KAZN: variants seen among roughly 807,000 people sequenced by gnomAD.
The protein encoded by KAZN is kazrin, periplakin interacting protein.
KAZN carries 40 observed loss-of-function variants against 87.4 expected under a neutral mutation model. The ratio of observed to expected loss-of-function variants is 0.46; its 90% confidence interval spans 0.36 to 0.60. KAZN has a LOEUF of 0.60. KAZN is among the 20% of genes least tolerant of loss of function. The pLI, the probability that KAZN is intolerant of heterozygous loss-of-function variation, is 0.00. For synonymous variants in KAZN, 466 were observed against 458.3 expected (o/e 1.02, Z -0.22); for missense variants, 898 against 1,073.9 (o/e 0.84, Z 2.29).
chr1:14,331,643 T>C, intron 2 of KAZN, among the ~76,000 whole-genome samples: 1 of 152,198 alleles, frequency 6.6e-6, no homozygotes, highest in East Asian at 1.9e-4. Context: ...TTTTATTTAG[T>C]TAATTCATTT....
At chr1:14,448,100 C>T (rs1030323648) in intron 2 of KAZN, among the ~76,000 whole-genome samples, 1 of 152,230 alleles carries the variant, frequency 6.6e-6, no homozygotes, top group African/African-American at 2.4e-5. Flanking sequence ...GCCCTGGTAG[C>T]ATTGACTGAA....
chr1:14,740,787 C>T (rs757414466), intron 1 of KAZN, among the ~76,000 whole-genome samples: 7 of 152,176 alleles, frequency 4.6e-5, no homozygotes, highest in Non-Finnish European at 8.8e-5. Context: ...TCCTTTAGCC[C>T]TCCTTCTTGC....
intron 2 of KAZN, among the ~76,000 whole-genome samples, chr1:14,517,673 G>C (rs778087025): frequency 2.6e-5 from 4 of 152,190 alleles, no homozygotes; most frequent in Non-Finnish European, 5.9e-5. Context: ...GGGTAGAAAA[G>C]AACATTTGTT....
At chr1:14,957,531 TG>T (rs1480876163) in intron 1 of KAZN, among the ~76,000 whole-genome samples, 1 of 152,180 alleles carries the variant, frequency 6.6e-6, no homozygotes, top group Non-Finnish European at 1.5e-5. Context: ...AGCACGCCGC[TG>T]GGGAGCGAGT....
At chr1:14,771,911 T>C (rs1434633126) in intron 1 of KAZN, among the ~76,000 whole-genome samples, 2 of 152,106 alleles carry the variant, frequency 1.3e-5, no homozygotes, top group Non-Finnish European at 2.9e-5. Context: ...CAAGGAGAGA[T>C]GAGATCAAGG....
chr1:14,287,866 T>C (rs1653375309), intron 2 of KAZN, among the ~76,000 whole-genome samples: 1 of 152,218 alleles, frequency 6.6e-6, no homozygotes, highest in African/African-American at 2.4e-5. Context: ...AAAACTTAGT[T>C]TATTGAGAGT....
At chr1:14,379,010 T>C (rs1384693915) in intron 2 of KAZN, among the ~76,000 whole-genome samples, 1 of 147,654 alleles carries the variant, frequency 6.8e-6, no homozygotes, top group Non-Finnish European at 1.5e-5. Flanking sequence ...GGAGAGAAGA[T>C]GGAAGACTAA....
chr1:14,514,387 T>TTATATATATTA (rs1671122025), intron 2 of KAZN, among the ~76,000 whole-genome samples: 5 of 11,690 alleles, frequency 4.3e-4, no homozygotes, highest in East Asian at 2.1e-3. Context: ...TATATATATA[T>TTATATATATTA]TATATATATT....
intron 2 of KAZN, among the ~76,000 whole-genome samples, chr1:14,558,710 C>T (rs1020273785): frequency 3.9e-5 from 6 of 152,114 alleles, no homozygotes; most frequent in African/African-American, 1.4e-4. Flanking sequence ...TTCTGCCTCA[C>T]GCTGGGATGT....
intron 2 of KAZN, among the ~76,000 whole-genome samples, chr1:14,986,857 G>C (rs1666871711): frequency 6.6e-6 from 1 of 152,136 alleles, no homozygotes; most frequent in African/African-American, 2.4e-5. Context: ...TAATCAGTAG[G>C]TTCCCAATAA....
chr1:14,483,119 C>G (rs957339642), intron 2 of KAZN, among the ~76,000 whole-genome samples: 1 of 152,148 alleles, frequency 6.6e-6, no homozygotes. Context: ...TGCTCCCATC[C>G]AAGTTTACAC....
intron 1 of KAZN, among the ~76,000 whole-genome samples, chr1:14,857,337 C>T (rs1650253628): frequency 6.6e-6 from 1 of 152,080 alleles, no homozygotes; most frequent in Non-Finnish European, 1.5e-5. Flanking sequence ...CCAGCCTAAG[C>T]TCGAGACTAG....
chr1:14,804,661 C>T (rs1385727098), intron 1 of KAZN, among the ~76,000 whole-genome samples: 11 of 152,240 alleles, frequency 7.2e-5, no homozygotes, highest in Admixed American at 3.3e-4. Flanking sequence ...GGCCTCCCCA[C>T]GTCCAGTCTT....
At chr1:14,644,166 C>A (rs551026951) in intron 1 of KAZN, among the ~76,000 whole-genome samples, 3 of 151,782 alleles carry the variant, frequency 2.0e-5, no homozygotes, top group African/African-American at 7.2e-5. Context: ...TGCCCACCAC[C>A]ACGCCCAGCT....
At chr1:14,244,688 C>T (rs764394184) in intron 2 of KAZN, among the ~76,000 whole-genome samples, 1 of 151,822 alleles carries the variant, frequency 6.6e-6, no homozygotes, top group Non-Finnish European at 1.5e-5. Flanking sequence ...AAGAACATTC[C>T]AGGCAGAGAG....
chr1:14,850,549 T>C (rs1649315189), intron 1 of KAZN, among the ~76,000 whole-genome samples: 1 of 152,202 alleles, frequency 6.6e-6, no homozygotes. Context: ...CAGCAAGAGT[T>C]TGAACCCAAG....
intron 1 of KAZN, among the ~76,000 whole-genome samples, chr1:14,941,171 C>T (rs562164154): frequency 3.3e-5 from 5 of 152,206 alleles, no homozygotes; most frequent in Non-Finnish European, 7.4e-5. Flanking sequence ...CTACCTGCCT[C>T]GGCCTCCCAA....
intron 1 of KAZN, among the ~76,000 whole-genome samples, chr1:14,144,584 C>A (rs572805240): frequency 6.6e-6 from 1 of 152,080 alleles, no homozygotes; most frequent in Non-Finnish European, 1.5e-5. Flanking sequence ...CTACCACACC[C>A]GGCCTTGTCT....
At position 14,931,393 on chromosome 1, in the gene KAZN, G is replaced by A. The variant is rs192892487; in HGVS notation, c.227-29291G>A. 1.2e-4 allele frequency among the ~76,000 whole-genome samples: 19 copies of A among 152,200 alleles called. No homozygotes were observed. In the East Asian group the frequency reaches 3.5e-3, roughly 28 times the overall value. ...CAGGAGAAGAGGCAGAGGTTATAGT[G>A]AGCTAAGATCATGCCACTGCACTCC... On this transcript the variant is annotated intron_variant, in intron 1 of 14. Coordinates refer to ENST00000376030, the MANE Select transcript of KAZN (RefSeq NM_201628.3).
Sources: allele counts gnomAD v4.1 joint callset (sites outside exome capture counted in the v4.1 genomes callset), GRCh38; gene constraint gnomAD v4.1.1; transcripts MANE v1.5; gene names NCBI Gene and HGNC (gene_info 2026-07-23, HGNC 2026-07-21).